LAIR2: variants seen among roughly 807,000 people sequenced by gnomAD.
LAIR2 encodes leukocyte-associated immunoglobulin-like receptor 2.
Under a neutral mutation model 14.8 loss-of-function variants are expected in LAIR2, and 14 were observed. That is an observed-to-expected ratio of 0.95 (90% CI 0.62 to 1.48). The LOEUF (loss-of-function observed/expected upper bound fraction) is 1.48. Among genes scored for constraint, LAIR2 ranks in the 40% most tolerant of loss-of-function variants. LAIR2 has a pLI of 0.00. For missense variants in LAIR2, 172 were observed against 180.9 expected (o/e 0.95, Z 0.28); for synonymous variants, 75 against 74.5 (o/e 1.01, Z -0.03).
At position 54,507,956 on chromosome 19, in the gene LAIR2, A is replaced by G. The variant is rs1477895339; in HGVS notation, c.136A>G (p.Thr46Ala). 6.2e-7 allele frequency: 1 copy of G among 1,613,756 alleles called. No individual in the cohort carries two copies. The highest frequency in any genetic ancestry group is 2.2e-5 in the East Asian group (1 of 44,870). ...GTVISPGSHV[T>A]FMCRGPVGVQ... ...TGTGATCTCCCCGGGGAGCCATGTG[A>G]CTTTCATGTGCCGGGGCCCGGTTGG... is the stretch of plus-strand genomic sequence containing the variant. Residue 46 changes from threonine (T) to alanine (A), a missense_variant, in exon 3 of 5, where the codon ACT becomes GCT. Thr to Ala is a moderately conservative substitution (Grantham distance 58). Around this residue, in one of 2 missense-constraint regions of LAIR2, gnomAD observed 161 missense variants for 149.0 expected, o/e 1.08. Coordinates refer to ENST00000301202, the MANE Select transcript of LAIR2 (RefSeq NM_002288.6).
chr19:54,510,484 G>T (rs1360224567), intron 4 of LAIR2, 42 bp from the exon 5 acceptor site: 2 of 1,555,480 alleles, frequency 1.3e-6, no homozygotes, highest in South Asian at 2.2e-5. Flanking sequence ...CCCAAAGGAG[G>T]GATGCTCCTA....
intron 2 of LAIR2, among the ~76,000 whole-genome samples, chr19:54,504,997 A>G (rs2085339189): frequency 6.6e-6 from 1 of 152,190 alleles, no homozygotes; most frequent in South Asian, 2.1e-4. Context: ...TGGTTCATCC[A>G]TGCTGTTGTG....
intron 3 of LAIR2, among the ~76,000 whole-genome samples, chr19:54,508,410 G>A (rs1318868729): frequency 6.6e-6 from 1 of 152,206 alleles, no homozygotes; most frequent in African/African-American, 2.4e-5. Flanking sequence ...CACAGATGGC[G>A]TGGACACTCA....
intron 2 of LAIR2, 109 bp from the exon 3 acceptor site, chr19:54,507,782 A>G (rs1285772933): frequency 4.9e-5 from 53 of 1,091,172 alleles, no homozygotes; most frequent in Non-Finnish European, 6.8e-5. Flanking sequence ...TCGTGGCTGC[A>G]TAACTCTATA....
chr19:54,505,148 G>A (rs7246136), intron 2 of LAIR2, among the ~76,000 whole-genome samples: 8 of 151,974 alleles, frequency 5.3e-5, no homozygotes, highest in African/African-American at 1.7e-4. Flanking sequence ...GTAGCGCTGC[G>A]GTCACCCTGG....
At position 54,507,994 on chromosome 19, in the gene LAIR2, C is replaced by T; in HGVS notation, c.174C>T (p.Phe58=). 7 of 1,614,164 alleles carry T rather than the reference C, an allele frequency of 4.3e-6. No homozygotes were observed. The highest frequency in any genetic ancestry group is 5.9e-6 in the Non-Finnish European group (7 of 1,180,022). ...MCRGPVGVQT[F]RLEREDRAKY... ...GGGGCCCGGTTGGGGTTCAAACATT[C>T]CGCCTGGAGAGGGAGGATAGAGCCA... is the stretch of plus-strand genomic sequence containing the variant. Residue 58 remains phenylalanine, a synonymous_variant, in exon 3 of 5, where the codon TTC becomes TTT. Transcript: ENST00000301202.
chr19:54,503,412 C>T (rs1031653827), intron 1 of LAIR2, among the ~76,000 whole-genome samples: 4 of 151,678 alleles, frequency 2.6e-5, no homozygotes, highest in African/African-American at 4.9e-5. Context: ...GAGCTAAGAT[C>T]GCGCCACTGC....
intron 2 of LAIR2, among the ~76,000 whole-genome samples, chr19:54,506,275 T>A (rs1372037086): frequency 1.3e-5 from 2 of 152,078 alleles, no homozygotes; most frequent in Non-Finnish European, 2.9e-5. Context: ...GTGCGAATCA[T>A]TTTTTTGTGG....
rs544066890 is a variant in LAIR2, at chr19:54,506,534, T to A, written c.71-1357T>A. ...GCTTCCCCTGACTTTGCAGAGGAGG[T>A]CAGCTCCACCGCCCACCTGTCCCCT... On this transcript the variant is annotated intron_variant, in intron 2 of 4. Coordinates refer to ENST00000301202, the MANE Select transcript of LAIR2 (RefSeq NM_002288.6). Among the ~76,000 whole-genome samples, 128 of 152,164 alleles carry A rather than the reference T, an allele frequency of 8.4e-4. 1 individual carries two copies. The highest frequency in any genetic ancestry group is 2.8e-3 in the African/African-American group (117 of 41,524).
intron 4 of LAIR2, among the ~76,000 whole-genome samples, chr19:54,510,256 G>A (rs71365469): frequency 0.22 from 27,286 of 126,052 alleles, 4,126 homozygotes; most frequent in African/African-American, 0.43. Flanking sequence ...GGTCACGAGG[G>A]CAGACCCTCC....
In LAIR2 at chr19:54,506,221, C is replaced by T. The variant is rs570449262; in HGVS notation, c.71-1670C>T. On this transcript the variant is annotated intron_variant, in intron 2 of 4. Transcript: ENST00000301202. ...ATGACGTTGTGGACTCTGCACACAGCGAGGAATGGCTACATCGAGCTAGGC... is the reference window on the plus strand; with the variant it reads ...ATGACGTTGTGGACTCTGCACACAGTGAGGAATGGCTACATCGAGCTAGGC... 1.4e-4 allele frequency among the ~76,000 whole-genome samples: 22 copies of T among 152,208 alleles called. 1 individual carries two copies. In the East Asian group the frequency reaches 1.9e-3, roughly 13 times the overall value.
At chr19:54,506,601 G>A (rs149996376) in intron 2 of LAIR2, among the ~76,000 whole-genome samples, 4 of 152,126 alleles carry the variant, frequency 2.6e-5, no homozygotes, top group African/African-American at 7.2e-5. Context: ...ATTGCAGTTC[G>A]CAGCTGCAGA....
Position 54,504,761 on chromosome 19 carries a change from C to A in LAIR2, c.70+1026C>A, listed in dbSNP as rs2085334016. Among the ~76,000 whole-genome samples the A allele has an allele frequency of 3.3e-5, 5 of 152,108 alleles. No individual in the cohort carries two copies. In the South Asian group the frequency reaches 1.0e-3, roughly 32 times the overall value. On this transcript the variant is annotated intron_variant, in intron 2 of 4. Transcript: ENST00000301202. ...AGTAGCTGGGATTACAGGTGCATGCCACCACGCCCAGCTAATTTTTGTGTT... is the reference window on the plus strand; with the variant it reads ...AGTAGCTGGGATTACAGGTGCATGCAACCACGCCCAGCTAATTTTTGTGTT...
intron 2 of LAIR2, among the ~76,000 whole-genome samples, chr19:54,507,441 C>T (rs923714823): frequency 5.3e-5 from 8 of 152,146 alleles, no homozygotes; most frequent in African/African-American, 1.4e-4. Flanking sequence ...CAGTCCCACC[C>T]GGGGACCGGC....
chr19:54,505,091 G>C (rs1392151410), intron 2 of LAIR2, among the ~76,000 whole-genome samples: 1 of 152,036 alleles, frequency 6.6e-6, no homozygotes, highest in East Asian at 1.9e-4. Context: ...CATTCATTTG[G>C]TGGTGGTTAT....
chr19:54,503,841 A>C (rs2123386443), intron 2 of LAIR2, 106 bp downstream of exon 2: 2 of 1,413,660 alleles, frequency 1.4e-6, no homozygotes, highest in Non-Finnish European at 2.0e-6. Context: ...GATCCCTTTA[A>C]ATATACCCTA....
chr19:54,505,249 G>A (rs2085344662), intron 2 of LAIR2, among the ~76,000 whole-genome samples: 1 of 151,976 alleles, frequency 6.6e-6, no homozygotes. Flanking sequence ...TTCCCCAGAC[G>A]AGCCCACACT....
At chr19:54,504,317 T>C (rs2085326094) in intron 2 of LAIR2, among the ~76,000 whole-genome samples, 1 of 152,180 alleles carries the variant, frequency 6.6e-6, no homozygotes, top group Non-Finnish European at 1.5e-5. Flanking sequence ...GGGCACGATG[T>C]GATGTTACAA....
intron 2 of LAIR2, among the ~76,000 whole-genome samples, chr19:54,505,766 C>T (rs1334772497): frequency 1.3e-5 from 2 of 151,922 alleles, no homozygotes. Flanking sequence ...CAGGTTCTTT[C>T]GCTTTCTCAA....
Sources: allele counts gnomAD v4.1 joint callset (sites outside exome capture counted in the v4.1 genomes callset), GRCh38; gene constraint gnomAD v4.1.1; regional missense constraint gnomAD v4.1.1; transcripts MANE v1.5; gene names NCBI Gene and HGNC (gene_info 2026-07-23, HGNC 2026-07-21).